The following MRAS variants were observed in gnomAD, a reference collection of about 807,000 sequenced individuals.
The protein encoded by MRAS is ras-related protein M-Ras.
A neutral mutation model predicts 20.9 loss-of-function variants in MRAS; 4 were observed. The ratio of observed to expected loss-of-function variants is 0.19; its 90% CI spans 0.09 to 0.44. The LOEUF is 0.44. Ranked by LOEUF, MRAS falls within the 20% of genes least tolerant of loss-of-function variation. The probability of loss-of-function intolerance (pLI) is 0.99; values close to 1 mark genes in which losing one functional copy is unlikely to be tolerated. For missense variants in MRAS, 154 were observed against 277.5 expected, an observed-to-expected ratio of 0.56 and a Z score of 3.16; for synonymous variants, 98 against 102.9, an observed-to-expected ratio of 0.95 and a Z score of 0.29.
chr3:138,400,370 G>A (rs752415504), intron 4 of MRAS, 164 bp from the exon 5 acceptor site: 10 of 631,714 alleles, frequency 1.6e-5, no homozygotes, highest in Admixed American at 2.6e-5. Flanking sequence ...CAACCTGAAA[G>A]AGTGAAAAGC....
At chr3:138,389,125 C>T (rs975687935) in intron 2 of MRAS, among the ~76,000 whole-genome samples, 1 of 152,114 alleles carries the variant, frequency 6.6e-6, no homozygotes, top group Non-Finnish European at 1.5e-5. Context: ...CAGATGTGAG[C>T]CACCGTGCCC....
At position 138,402,736 on chromosome 3, in the gene MRAS, A is replaced by C. The variant is rs991277463; in HGVS notation, c.*467A>C. 2.0e-5 allele frequency: 3 copies of C among 153,376 alleles called. No individual in the cohort carries two copies. Among genetic ancestry groups the C allele is most frequent in the African/African-American group, 7.2e-5 (3 of 41,548 alleles). 9.5% of individuals were successfully genotyped at this position (153,376 alleles called of 1,614,324 possible). A position where few individuals can be genotyped will look rare whatever the true frequency, so the allele number is the denominator to read the frequency against. On this transcript the variant is annotated 3_prime_UTR_variant, in exon 6 of 6. Coordinates refer to ENST00000423968, the MANE Select transcript of MRAS (RefSeq NM_001085049.3). ...TATTTTAGTGATTATTATTTTATTAAAGGGGTCTGGGCTCACTGCCTGGTG... is the reference window on the plus strand; with the variant it reads ...TATTTTAGTGATTATTATTTTATTACAGGGGTCTGGGCTCACTGCCTGGTG...
intron 1 of MRAS, among the ~76,000 whole-genome samples, chr3:138,362,515 C>G (rs1211914658): frequency 1.3e-5 from 2 of 152,150 alleles, no homozygotes; most frequent in African/African-American, 4.8e-5. Context: ...CGAGTTTGTC[C>G]TATGTAATTC....
chr3:138,372,283 TA>T (rs1328636516), intron 1 of MRAS, among the ~76,000 whole-genome samples: 1 of 152,050 alleles, frequency 6.6e-6, no homozygotes, highest in African/African-American at 2.4e-5. Flanking sequence ...CCTCCCCAAA[TA>T]AAATGATTCC....
chr3:138,380,895 G>A (rs9855722), intron 2 of MRAS, among the ~76,000 whole-genome samples: 89,731 of 151,466 alleles, frequency 0.59, 27,536 homozygotes, highest in East Asian at 0.73. Context: ...TCAGTCTTCC[G>A]AGTAGCTGGG....
intron 2 of MRAS, among the ~76,000 whole-genome samples, chr3:138,378,705 G>T (rs1678442): frequency 1.6e-4 from 24 of 152,168 alleles, no homozygotes; most frequent in African/African-American, 5.5e-4. Context: ...AGAGTTTTGT[G>T]TTTGTTTGTT....
chr3:138,367,319 G>C (rs1273999663), intron 1 of MRAS, among the ~76,000 whole-genome samples: 1 of 152,080 alleles, frequency 6.6e-6, no homozygotes, highest in African/African-American at 2.4e-5. Flanking sequence ...GGGGAAACTG[G>C]GCACCAGGAA....
intron 2 of MRAS, among the ~76,000 whole-genome samples, chr3:138,386,211 C>T (rs756872849): frequency 3.3e-4 from 50 of 152,172 alleles, no homozygotes; most frequent in South Asian, 6.2e-4. Context: ...CATTCCTGAA[C>T]GTATTCATCC....
intron 1 of MRAS, among the ~76,000 whole-genome samples, chr3:138,354,270 A>G (rs909019120): frequency 6.6e-6 from 1 of 152,206 alleles, no homozygotes; most frequent in African/African-American, 2.4e-5. Context: ...TGTAAAGGGT[A>G]GTATAACAAA....
chr3:138,392,478 T>G (rs1030794161), intron 2 of MRAS, among the ~76,000 whole-genome samples: 1 of 152,392 alleles, frequency 6.6e-6, no homozygotes, highest in South Asian at 2.1e-4. Context: ...TTATGGAATT[T>G]GTCAATTCCT....
chr3:138,355,227 G>T (rs907785991), intron 1 of MRAS, among the ~76,000 whole-genome samples: 2 of 152,068 alleles, frequency 1.3e-5, no homozygotes, highest in African/African-American at 2.4e-5. Flanking sequence ...CTGGTACTGG[G>T]TCCTTCTCTC....
intron 2 of MRAS, among the ~76,000 whole-genome samples, chr3:138,390,027 G>A (rs2055097916): frequency 6.6e-6 from 1 of 150,982 alleles, no homozygotes; most frequent in Admixed American, 6.6e-5. Flanking sequence ...GAACAAGAAG[G>A]GGAGAAGGGA....
intron 1 of MRAS, among the ~76,000 whole-genome samples, chr3:138,352,014 C>T (rs577808201): frequency 2.0e-3 from 310 of 152,310 alleles, no homozygotes; most frequent in Non-Finnish European, 3.3e-3. Flanking sequence ...AGTCAGCATG[C>T]CATTCCAGTG....
intron 2 of MRAS, among the ~76,000 whole-genome samples, chr3:138,393,590 A>G (rs2055173205): frequency 6.6e-6 from 1 of 152,134 alleles, no homozygotes; most frequent in Non-Finnish European, 1.5e-5. Flanking sequence ...TTGAATGATC[A>G]TATTTTAAAA....
intron 4 of MRAS, 55 bp downstream of exon 4, chr3:138,398,623 T>C: frequency 6.7e-7 from 1 of 1,482,934 alleles, no homozygotes; most frequent in South Asian, 1.1e-5. Flanking sequence ...AGCTGTAGCC[T>C]GGTCACCCCT....
intron 2 of MRAS, among the ~76,000 whole-genome samples, chr3:138,391,141 A>G (rs961106743): frequency 3.3e-5 from 5 of 152,042 alleles, no homozygotes; most frequent in Admixed American, 2.6e-4. Flanking sequence ...ACTTTTATTG[A>G]TACCTTTTTC....
chr3:138,383,644 G>C (rs780266995), intron 2 of MRAS, among the ~76,000 whole-genome samples: 1 of 152,192 alleles, frequency 6.6e-6, no homozygotes, highest in Non-Finnish European at 1.5e-5. Context: ...TCCGCCCAGA[G>C]TTGTGTGAAT....
At chr3:138,397,521 C>T (rs1354055046) in intron 3 of MRAS, 44 bp downstream of exon 3, 2 of 1,608,332 alleles carry the variant, frequency 1.2e-6, no homozygotes, top group Non-Finnish European at 1.7e-6. Flanking sequence ...GAGGCCTGCG[C>T]CTGCCTCCTA....
intron 1 of MRAS, among the ~76,000 whole-genome samples, chr3:138,366,851 T>G (rs2054570069): frequency 6.6e-6 from 1 of 152,064 alleles, no homozygotes; most frequent in Non-Finnish European, 1.5e-5. Context: ...TGATGCTGGG[T>G]GGAGTGGGGT....
Sources: allele counts gnomAD v4.1 joint callset (sites outside exome capture counted in the v4.1 genomes callset), GRCh38; gene constraint gnomAD v4.1.1; transcripts MANE v1.5; gene names NCBI Gene and HGNC (gene_info 2026-07-23, HGNC 2026-07-21).